Variants in ANKRD18A observed in about 807,000 individuals in gnomAD.
ANKRD18A encodes the protein ankyrin repeat domain 18A, also known as ankyrin repeat domain-containing protein 18A.
Under a neutral mutation model 110.6 loss-of-function variants are expected in ANKRD18A, and 72 were observed. The observed-to-expected ratio is 0.65, with a 90% confidence interval of 0.54 to 0.79. The LOEUF is 0.79. ANKRD18A is among the 30% of genes least tolerant of loss of function. The probability of loss-of-function intolerance (pLI) is 0.00; values close to 1 mark genes in which losing one functional copy is unlikely to be tolerated. For missense variants in ANKRD18A, 934 were observed against 1,163.3 expected (o/e 0.80, Z 2.87); for synonymous variants, 305 against 410.3 (o/e 0.74, Z 3.10).
At chr9:38,588,360 A>T (rs1178292039) in intron 11 of ANKRD18A, among the ~76,000 whole-genome samples, 191 bp downstream of exon 11, 3 of 152,140 alleles carry the variant, frequency 2.0e-5, no homozygotes, top group African/African-American at 7.2e-5. Flanking sequence ...AAAAAGTCCA[A>T]GGGTCATGGA....
Position 38,577,254 on chromosome 9 carries a change from T to C in ANKRD18A, c.2540A>G (p.Glu847Gly), listed in dbSNP as rs1402679321. The C allele has an allele frequency of 1.3e-6, 2 of 1,526,186 alleles. No homozygotes were observed. The highest frequency in any genetic ancestry group is 2.2e-5 in the Admixed American group (1 of 44,896). 94.5% of individuals were successfully genotyped at this position (1,526,186 alleles called of 1,614,324 possible). Reference sequence around the variant, plus strand: ...TAACTGCTCTAATTGTTTTTCATATTCTGCTTGTTTCTAAAACAAATGAAA... The same window carrying C: ...TAACTGCTCTAATTGTTTTTCATATCCTGCTTGTTTCTAAAACAAATGAAA... ...LEEIHLQKQA[E>G]YEKQLEQLNK... Residue 847 changes from glutamate (E) to glycine (G), a missense_variant, in exon 14 of 16, where the codon GAA (glutamate) becomes GGA (glycine). Glu to Gly is a moderately conservative substitution (Grantham distance 98). Transcript: ENST00000399703.
rs1563975237 is a variant in ANKRD18A, at chr9:38,610,244, TTAACCGGTCTTTTAATA to T, written c.740+12_740+28del. 9 of 1,492,466 alleles carry T rather than the reference TTAACCGGTCTTTTAATA, an allele frequency of 6.0e-6. No homozygotes were observed. The highest frequency in any genetic ancestry group is 6.2e-6 in the Non-Finnish European group (7 of 1,124,474). 92.5% of individuals were successfully genotyped at this position (1,492,466 alleles called of 1,614,324 possible). ...AATTATTTTAAACCTTAATTTAGTA[TTAACCGGTCTTTTAATA>T]TAAGCACATACCTTCTCAAATCAGA... On this transcript the variant is annotated intron_variant, in intron 5 of 15. Transcript: ENST00000399703.
At chr9:38,593,933 A>G (rs1824763438) in intron 9 of ANKRD18A, 24 bp from the exon 10 acceptor site, 3 of 1,457,902 alleles carry the variant, frequency 2.1e-6, no homozygotes, top group East Asian at 5.1e-5. Context: ...TTTGTTACCA[A>G]TTTTATAAAG....
At chr9:38,584,086 A>G (rs560349372) in intron 12 of ANKRD18A, among the ~76,000 whole-genome samples, 112 of 152,278 alleles carry the variant, frequency 7.4e-4, no homozygotes, top group African/African-American at 2.5e-3. Context: ...CTGGTATTCA[A>G]TTGTGAGGTG....
intron 3 of ANKRD18A, among the ~76,000 whole-genome samples, chr9:38,614,998 T>C (rs1210928771): frequency 3.3e-5 from 5 of 152,208 alleles, no homozygotes; most frequent in Non-Finnish European, 7.3e-5. Flanking sequence ...TCACTCTTTT[T>C]ACCAAACCAA....
At position 38,615,625 on chromosome 9, in the gene ANKRD18A, G is replaced by A; in HGVS notation, c.464C>T (p.Ser155Phe). The part of the protein sequence containing the change: ...KGTSLAERLL[S>F]HHANIEALNK... The stretch of plus-strand genomic sequence containing the variant: ...TAGTGCTTCAATATTTGCATGGTGG[G>A]AAAGCAGTCTTTCTGCCAGTGAAGT... The change falls in exon 3 of 16, where the codon TCC becomes TTC. Residue 155 changes from serine (S) to phenylalanine (F), a missense_variant. By Grantham distance (155) the Ser-to-Phe change is radical. Transcript: ENST00000399703. The A allele has an allele frequency of 6.2e-7, 1 of 1,609,528 alleles. No homozygotes were observed. Among genetic ancestry groups the A allele is most frequent in the Non-Finnish European group, 8.5e-7 (1 of 1,178,626 alleles).
At chr9:38,572,403 T>C (rs945657696) in intron 15 of ANKRD18A, 5 of 177,536 alleles carry the variant, frequency 2.8e-5, no homozygotes, top group African/African-American at 4.8e-5. Context: ...TATAGAGTCA[T>C]AGATACCATG....
At chr9:38,575,093 CAAA>C (rs60228502) in intron 15 of ANKRD18A, among the ~76,000 whole-genome samples, 2 of 127,404 alleles carry the variant, frequency 1.6e-5, no homozygotes, top group Admixed American at 1.6e-4. Flanking sequence ...GACACCATCT[CAAA>C]AAAAAAAAAA....
At chr9:38,616,452 T>A (rs1825857605) in intron 1 of ANKRD18A, among the ~76,000 whole-genome samples, 1 of 152,188 alleles carries the variant, frequency 6.6e-6, no homozygotes, top group Non-Finnish European at 1.5e-5. Flanking sequence ...ACTCAATAAC[T>A]GTTAGACTTT....
rs1303901465 is a variant in ANKRD18A at position 38,586,173 on chromosome 9, T to G, written c.2247+10A>C. On this transcript the variant is annotated intron_variant, in intron 12 of 15. Coordinates refer to ENST00000399703, the MANE Select transcript of ANKRD18A (RefSeq NM_147195.4). ...GACCTTAAGATAAAATAATAATTTTTTAAAATTACCTTCTGTTTTAGCTTC... is the reference window on the plus strand; with the variant it reads ...GACCTTAAGATAAAATAATAATTTTGTAAAATTACCTTCTGTTTTAGCTTC... 1 of 1,593,700 alleles carries G rather than the reference T, an allele frequency of 6.3e-7. No individual in the cohort carries two copies. The highest frequency in any genetic ancestry group is 8.5e-7 in the Non-Finnish European group (1 of 1,170,822).
chr9:38,566,779 G>A (rs904944904), downstream of ANKRD18A: 2 of 152,156 alleles, frequency 1.3e-5, no homozygotes, highest in Admixed American at 6.5e-5. Context: ...TGTCTCACAC[G>A]GCAAGAGGAA....
chr9:38,611,095 A>G, intron 4 of ANKRD18A, 120 bp downstream of exon 4: 4 of 1,426,576 alleles, frequency 2.8e-6, no homozygotes, highest in South Asian at 1.7e-5. Flanking sequence ...GTTACTTTTT[A>G]CTATATGCCA....
intron 15 of ANKRD18A, among the ~76,000 whole-genome samples, chr9:38,574,247 G>A (rs560038424): frequency 1.3e-5 from 2 of 152,248 alleles, no homozygotes; most frequent in Non-Finnish European, 2.9e-5. Flanking sequence ...TTCTTTTCAT[G>A]GCTGCATAGT....
chr9:38,614,356 C>T (rs1320715288), intron 3 of ANKRD18A, among the ~76,000 whole-genome samples: 2 of 151,514 alleles, frequency 1.3e-5, no homozygotes, highest in Non-Finnish European at 2.9e-5. Context: ...CTGCCCGCCT[C>T]AGGCTGGACT....
At chr9:38,606,959 T>A (rs1825386815) in intron 6 of ANKRD18A, among the ~76,000 whole-genome samples, 1 of 152,064 alleles carries the variant, frequency 6.6e-6, no homozygotes, top group Non-Finnish European at 1.5e-5. Context: ...CCTAAATAAC[T>A]CTGAATTCTA....
At chr9:38,611,871 A>G (rs1218287801) in intron 3 of ANKRD18A, among the ~76,000 whole-genome samples, 1 of 152,216 alleles carries the variant, frequency 6.6e-6, no homozygotes, top group Non-Finnish European at 1.5e-5. Flanking sequence ...CATGGCCAAC[A>G]ATCTAGAAAT....
chr9:38,567,085 T>C (rs1280328020), downstream of ANKRD18A: 2 of 152,248 alleles, frequency 1.3e-5, no homozygotes, highest in Non-Finnish European at 2.9e-5. Flanking sequence ...GTTTGAGGTC[T>C]ACAGCATATA....
chr9:38,567,989 G>A (rs1823521153), downstream of ANKRD18A: 1 of 152,264 alleles, frequency 6.6e-6, no homozygotes, highest in South Asian at 2.1e-4. Flanking sequence ...TCAGGGTCAG[G>A]AAGAAGCTGG....
rs541318045 is a variant in ANKRD18A, at chr9:38,600,145, G to A, written c.936+986C>T. 7.2e-5 allele frequency among the ~76,000 whole-genome samples: 11 copies of A among 152,294 alleles called. No individual in the cohort carries two copies. The South Asian group carries it at 1.2e-3, about 17-fold the overall frequency. On this transcript the variant is annotated intron_variant, in intron 8 of 15. Transcript: ENST00000399703. ...CCTTGGCTTAATATAGGGGAAAAAC[G>A]TGAACCAGGAAGCTTAACTCTCACT...
Sources: allele counts gnomAD v4.1 joint callset (sites outside exome capture counted in the v4.1 genomes callset), GRCh38; gene constraint gnomAD v4.1.1; transcripts MANE v1.5; gene names NCBI Gene and HGNC (gene_info 2026-07-23, HGNC 2026-07-21).